The following ADK variants were observed in gnomAD, a reference collection of about 807,000 sequenced individuals.
ADK encodes the protein adenosine kinase.
Under a neutral mutation model 44.7 loss-of-function variants are expected in ADK, and 24 were observed. That is an observed-to-expected ratio of 0.54 (90% CI 0.39 to 0.76). ADK has a LOEUF of 0.76. ADK is among the 30% of genes least tolerant of loss of function. The pLI is 0.00. For missense variants in ADK, 321 were observed against 425.1 expected (o/e 0.76, Z 2.15); for synonymous variants, 128 against 142.6 (o/e 0.90, Z 0.73).
chr10:74,615,228 T>C (rs1328076185), intron 9 of ADK, among the ~76,000 whole-genome samples: 1 of 152,248 alleles, frequency 6.6e-6, no homozygotes, highest in East Asian at 1.9e-4. Flanking sequence ...GTCCAGTCAA[T>C]ATATAGTTAT....
intron 2 of ADK, among the ~76,000 whole-genome samples, chr10:74,206,214 A>T (rs1028994838): frequency 5.9e-5 from 9 of 152,252 alleles, no homozygotes; most frequent in Non-Finnish European, 1.3e-4. Flanking sequence ...CCATAAATGT[A>T]GAACATTTTA....
chr10:74,216,938 C>A (rs979586642), intron 2 of ADK, among the ~76,000 whole-genome samples: 2 of 152,150 alleles, frequency 1.3e-5, no homozygotes, highest in Non-Finnish European at 2.9e-5. Flanking sequence ...CCAGCGTGAG[C>A]GATGCAGAAG....
chr10:74,224,617 A>C (rs771109216), intron 3 of ADK, 26 bp downstream of exon 3: 65 of 1,589,828 alleles, frequency 4.1e-5, no homozygotes, highest in Non-Finnish European at 5.4e-5. Flanking sequence ...CATTGGTTGT[A>C]AATAGTTTAC....
At chr10:74,467,232 A>G (rs1162284816) in intron 6 of ADK, among the ~76,000 whole-genome samples, 1 of 152,158 alleles carries the variant, frequency 6.6e-6, no homozygotes, top group African/African-American at 2.4e-5. Flanking sequence ...GATGCTTTTA[A>G]TGGTCTCTTA....
intron 4 of ADK, among the ~76,000 whole-genome samples, chr10:74,364,753 C>A (rs1290425260): frequency 6.7e-6 from 1 of 148,160 alleles, no homozygotes; most frequent in African/African-American, 2.5e-5. Context: ...CTAGCAACCT[C>A]TTTCAAATGA....
chr10:74,476,492 CAA>C (rs980267189), intron 6 of ADK, among the ~76,000 whole-genome samples: 4 of 131,904 alleles, frequency 3.0e-5, no homozygotes, highest in African/African-American at 5.6e-5. Flanking sequence ...AACTCCATCT[CAA>C]AAAAAAAAAA....
chr10:74,624,656 G>A (rs1853116364), intron 9 of ADK, among the ~76,000 whole-genome samples: 1 of 152,058 alleles, frequency 6.6e-6, no homozygotes, highest in Non-Finnish European at 1.5e-5. Flanking sequence ...TACTTGTGAG[G>A]AAGTAAGCAG....
At chr10:74,551,765 G>A (rs759166312) in intron 7 of ADK, among the ~76,000 whole-genome samples, 7 of 152,080 alleles carry the variant, frequency 4.6e-5, no homozygotes, top group Non-Finnish European at 7.4e-5. Context: ...CTTAGTAAAT[G>A]TACATACCTT....
rs116322515 is a variant in ADK at position 74,631,869 on chromosome 10, G to A, written c.877+31376G>A. ...ACTTTTTCGCCATTCTTGTTTTAGC[G>A]TTCTTCCCACCCTGTTCCCACCTAC... On this transcript the variant is annotated intron_variant, in intron 9 of 10. Coordinates refer to ENST00000539909, the MANE Select transcript of ADK (RefSeq NM_006721.4). Among the ~76,000 whole-genome samples, 830 of 152,152 alleles carry A rather than the reference G, an allele frequency of 5.5e-3. 10 individuals are homozygous for A. Among genetic ancestry groups the A allele is most frequent in the African/African-American group, 0.019 (792 of 41,514 alleles).
At chr10:74,267,786 G>GTC (rs1456501243) in intron 3 of ADK, among the ~76,000 whole-genome samples, 67 of 124,972 alleles carry the variant, frequency 5.4e-4, no homozygotes, top group East Asian at 1.6e-3. Flanking sequence ...GTGTGTGTGT[G>GTC]TGTGTGTCTG....
In ADK at chr10:74,314,768, T is replaced by G. The variant is rs372679823; in HGVS notation, c.273+23T>G. The G allele has an allele frequency of 1.8e-5, 27 of 1,527,560 alleles. No homozygotes were observed. The African/African-American group carries it at 3.4e-4, about 19-fold the overall frequency. The allele number at this position is 1,527,560 out of a possible 1,614,324, so 94.6% of individuals were successfully genotyped here. On this transcript the variant is annotated intron_variant, in intron 4 of 10. Transcript: ENST00000539909. The stretch of plus-strand genomic sequence containing the variant: ...CAGGTTGGTTAATTATTTTAAAAGT[T>G]AAAAGGATTCAAAATGATTCTAGAC...
intron 4 of ADK, among the ~76,000 whole-genome samples, chr10:74,323,578 T>TC (rs902815800): frequency 3.3e-5 from 5 of 151,442 alleles, no homozygotes; most frequent in African/African-American, 1.2e-4. Flanking sequence ...TCTTTTCTTT[T>TC]TTTTTTTTTT....
chr10:74,224,485 T>TA, intron 2 of ADK, 53 bp from the exon 3 acceptor site: 1 of 1,455,000 alleles, frequency 6.9e-7, no homozygotes, highest in South Asian at 1.2e-5. Context: ...TCAGCTAACT[T>TA]ACGTTGACAC....
intron 7 of ADK, among the ~76,000 whole-genome samples, chr10:74,583,099 G>A (rs528516556): frequency 6.6e-6 from 1 of 152,270 alleles, no homozygotes; most frequent in South Asian, 2.1e-4. Flanking sequence ...ATAACATAAA[G>A]TAAAGGTAAC....
chr10:74,494,106 A>C (rs1356513784), intron 6 of ADK, among the ~76,000 whole-genome samples: 2 of 152,220 alleles, frequency 1.3e-5, no homozygotes, highest in African/African-American at 4.8e-5. Flanking sequence ...TTTTTAAATT[A>C]GTATTTTAAA....
intron 4 of ADK, among the ~76,000 whole-genome samples, chr10:74,356,111 C>T (rs1203913316): frequency 1.4e-5 from 2 of 145,530 alleles, no homozygotes; most frequent in South Asian, 2.2e-4. Flanking sequence ...CTCCCCTTCC[C>T]GGGTTCACGC....
intron 4 of ADK, among the ~76,000 whole-genome samples, chr10:74,386,322 C>T (rs187566294): frequency 2.2e-3 from 340 of 152,262 alleles, no homozygotes; most frequent in African/African-American, 7.8e-3. Flanking sequence ...TGTCATTCTT[C>T]ATCATTCTAT....
At position 74,694,011 on chromosome 10, in the gene ADK, G is replaced by GT. The variant is rs536567880; in HGVS notation, c.965-14304dup. On this transcript the variant is annotated intron_variant, in intron 10 of 10. Coordinates refer to ENST00000539909, the MANE Select transcript of ADK (RefSeq NM_006721.4). ...TTTCTGAATAATTTAAAGTTCCCAT[G>GT]TTTTTTAAAAAGGTTTATTGACTTA... 2.5e-3 allele frequency among the ~76,000 whole-genome samples: 387 copies of GT among 152,124 alleles called. 1 individual carries two copies. Among genetic ancestry groups the GT allele is most frequent in the African/African-American group, 8.9e-3 (370 of 41,506 alleles).
intron 3 of ADK, among the ~76,000 whole-genome samples, chr10:74,235,460 C>T (rs1055294595): frequency 5.9e-5 from 9 of 152,100 alleles, no homozygotes; most frequent in East Asian, 5.8e-4. Flanking sequence ...TGTGCCACCA[C>T]GCCTGGCTCC....
Sources: gnomAD v4.1 joint callset for allele counts (sites outside exome capture counted in the v4.1 genomes callset) on GRCh38, gnomAD v4.1.1 for gene constraint, MANE v1.5 for transcripts, NCBI Gene and HGNC (gene_info 2026-07-23, HGNC 2026-07-21) for gene names.